The following RYR2 variants were observed in gnomAD, a reference collection of about 807,000 sequenced individuals.
RYR2 encodes the protein cardiac muscle ryanodine receptor-calcium release channel.
In RYR2, 227 loss-of-function variants were observed where a neutral mutation model predicts 601.1. The ratio of observed to expected loss-of-function variants is 0.38; its 90% CI spans 0.34 to 0.42. The LOEUF is 0.42. Among genes scored for constraint, RYR2 ranks in the 10% least tolerant of loss-of-function variants. The probability of loss-of-function intolerance (pLI) is 1.00; values close to 1 mark genes in which losing one functional copy is unlikely to be tolerated. For synonymous variants in RYR2, 2,223 were observed against 2,175.1 expected (o/e 1.02, Z -0.61); for missense variants, 4,646 against 6,156.5 (o/e 0.75, Z 8.21).
intron 24 of RYR2, 54 bp downstream of exon 24, chr1:237,511,845 A>AC: frequency 4.0e-6 from 4 of 987,746 alleles, no homozygotes; most frequent in Admixed American, 3.1e-5. Context: ...AAAAAAAAAA[A>AC]AAAAAAAAAA....
chr1:237,758,036 A>T (rs1213791805), intron 82 of RYR2, among the ~76,000 whole-genome samples: 1 of 152,230 alleles, frequency 6.6e-6, no homozygotes. Flanking sequence ...GTGCTGAGGT[A>T]TGAACCACTC....
rs574847224 is a variant in RYR2 at position 237,562,219 on chromosome 1, A to G, written c.3215-4348A>G. On this transcript the variant is annotated intron_variant, in intron 27 of 104. Transcript: ENST00000366574. ...AAAATGGAATTTATTCTTATTTACT[A>G]CAAGGTTTAATCAAGATTTGAATTG... Among the ~76,000 whole-genome samples the G allele has an allele frequency of 3.3e-5, 5 of 152,352 alleles. 1 individual carries two copies. The highest frequency in any genetic ancestry group is 1.2e-4 in the African/African-American group (5 of 41,590).
intron 17 of RYR2, among the ~76,000 whole-genome samples, chr1:237,474,230 CATAT>C (rs1661122388): frequency 1.4e-5 from 1 of 69,146 alleles, no homozygotes; most frequent in African/African-American, 3.9e-5. Context: ...TAGATCTATA[CATAT>C]ATATGTATAG....
intron 52 of RYR2, among the ~76,000 whole-genome samples, chr1:237,655,260 T>C (rs1460043604): frequency 1.3e-5 from 2 of 152,150 alleles, no homozygotes; most frequent in African/African-American, 4.8e-5. Context: ...TTTCAGAAAA[T>C]CTATAAATAT....
chr1:237,183,724 ACCTT>A (rs1679035327), intron 1 of RYR2, among the ~76,000 whole-genome samples: 1 of 152,162 alleles, frequency 6.6e-6, no homozygotes, highest in African/African-American at 2.4e-5. Context: ...TGACTAAGTG[ACCTT>A]CCCACACATG....
rs866124162 is a variant in RYR2 at position 237,090,675 on chromosome 1, C to T, written c.48+48106C>T. On this transcript the variant is annotated intron_variant, in intron 1 of 104. Transcript: ENST00000366574. ...CTAATATAGGAATATAGGAAACTGG[C>T]ATATACTTTGGGTGTCCTTGGTTAT... Among the ~76,000 whole-genome samples, 3 of 152,332 alleles carry T rather than the reference C, an allele frequency of 2.0e-5. No homozygotes were observed. The Middle Eastern group carries it at 0.01, about 518-fold the overall frequency.
chr1:237,106,096 T>C lies in RYR2; in HGVS notation c.48+63527T>C, dbSNP rs1027766322. Among the ~76,000 whole-genome samples the C allele has an allele frequency of 6.6e-6, 1 of 152,054 alleles. No homozygotes were observed. The highest frequency in any genetic ancestry group is 6.6e-5 in the Admixed American group (1 of 15,264). The stretch of plus-strand genomic sequence containing the variant: ...GTGGGCCGGGCAGGTGGAGGAGGCC[T>C]TGAGGGCTGTTGAGAGGACTGGGCT... On this transcript the variant is annotated intron_variant, in intron 1 of 104. Transcript: ENST00000366574. The surrounding 1 kb of genome is among the most constrained non-coding windows in gnomAD (Gnocchi z 4.4).
intron 51 of RYR2, 42 bp from the exon 52 acceptor site, chr1:237,654,232 G>T (rs781464165): frequency 6.2e-7 from 1 of 1,602,456 alleles, no homozygotes; most frequent in Non-Finnish European, 8.5e-7. Context: ...AATATAAAAG[G>T]TTTTGATAGC....
rs1032808081 is a variant in RYR2, at chr1:237,626,598, T to C, written c.6166+794T>C. Among the ~76,000 whole-genome samples the C allele has an allele frequency of 2.8e-3, 370 of 131,722 alleles. 3 individuals carry two copies. The highest frequency in any genetic ancestry group is 9.7e-3 in the African/African-American group (344 of 35,296). 86.4% of individuals were successfully genotyped at this position (131,722 alleles called of 152,430 possible). On this transcript the variant is annotated intron_variant, in intron 40 of 104. Transcript: ENST00000366574. ...TCTTTTTCTTTTTTTTTTTTTTTTT[T>C]TTTTTTTTTTTTTGAGACAGTCTCG...
At chr1:237,633,487 G>A in intron 42 of RYR2, 91 bp from the exon 43 acceptor site, 4 of 1,479,426 alleles carry the variant, frequency 2.7e-6, no homozygotes, top group South Asian at 1.2e-5. Context: ...GGACACACGG[G>A]GATTGACGAT....
intron 41 of RYR2, among the ~76,000 whole-genome samples, chr1:237,629,425 A>G (rs17269076): frequency 0.016 from 2,441 of 152,144 alleles, 62 homozygotes; most frequent in African/African-American, 0.056. Context: ...AATCATAACA[A>G]AGATAAAAAT....
chr1:237,590,088 T>G, intron 30 of RYR2, 87 bp downstream of exon 30: 1 of 1,228,042 alleles, frequency 8.1e-7, no homozygotes, highest in Non-Finnish European at 1.1e-6. Flanking sequence ...TAGACAATTA[T>G]TATGACTTAC....
chr1:237,310,365 C>T (rs1449127902), intron 2 of RYR2, among the ~76,000 whole-genome samples: 1 of 152,142 alleles, frequency 6.6e-6, no homozygotes, highest in Non-Finnish European at 1.5e-5. Context: ...AATTAAACTA[C>T]AAGCTGAGTC....
intron 40 of RYR2, among the ~76,000 whole-genome samples, chr1:237,626,284 T>A (rs1426078425): frequency 6.6e-6 from 1 of 152,174 alleles, no homozygotes; most frequent in Non-Finnish European, 1.5e-5. Context: ...GGGCTGTGAG[T>A]GCCTTGGGCA....
Position 237,614,336 on chromosome 1 carries a change from C to CGTCT in RYR2, c.5208_5209insGTCT (p.Thr1737ValfsTer6). On this transcript the variant is annotated frameshift_variant, in exon 37 of 105. Coordinates refer to ENST00000366574, the MANE Select transcript of RYR2 (RefSeq NM_001035.3). LOFTEE classifies it high-confidence loss of function. This position sits in a 1 kb window ranked among gnomAD's most constrained non-coding sequence, Gnocchi z 4.3. The stretch of plus-strand genomic sequence containing the variant: ...CCATGACGGAGGAGACGAAGAGCAT[C>CGTCT]ACCCTGTTCCCTGATGAGAACAAAA... 1 of 1,614,060 alleles carries CGTCT rather than the reference C, an allele frequency of 6.2e-7. No homozygotes were observed. The highest frequency in any genetic ancestry group is 8.5e-7 in the Non-Finnish European group (1 of 1,179,904).
chr1:237,393,508 T>C (rs1287897166), intron 10 of RYR2, among the ~76,000 whole-genome samples: 2 of 152,220 alleles, frequency 1.3e-5, no homozygotes, highest in Non-Finnish European at 2.9e-5. Context: ...GATATCCTTG[T>C]GAGGATATTT....
chr1:237,674,599 A>G, intron 59 of RYR2, 132 bp from the exon 60 acceptor site: 1 of 460,650 alleles, frequency 2.2e-6, no homozygotes. Flanking sequence ...AACATTAGAA[A>G]AACTTCAAAA....
chr1:237,440,633 A>G (rs1051137752), intron 12 of RYR2, among the ~76,000 whole-genome samples: 1 of 152,204 alleles, frequency 6.6e-6, no homozygotes, highest in Non-Finnish European at 1.5e-5. Context: ...TTTAAGAGTG[A>G]ATACCTCTGT....
At chr1:237,775,089 A>G (rs918669651) in intron 87 of RYR2, among the ~76,000 whole-genome samples, 1 of 151,632 alleles carries the variant, frequency 6.6e-6, no homozygotes, top group African/African-American at 2.4e-5. Flanking sequence ...AAAAAAAAAA[A>G]AAAAAACAGA....
Sources: allele counts gnomAD v4.1 joint callset (sites outside exome capture counted in the v4.1 genomes callset), GRCh38; gene constraint gnomAD v4.1.1; non-coding constraint Gnocchi (gnomAD v3.1); transcripts MANE v1.5; gene names NCBI Gene and HGNC (gene_info 2026-07-23, HGNC 2026-07-21).